PNPLA7: variants seen among roughly 807,000 people sequenced by gnomAD.
The protein encoded by PNPLA7 is patatin-like phospholipase domain-containing protein 7.
PNPLA7 carries 153 observed loss-of-function variants against 161.7 expected under a neutral mutation model. The observed-to-expected ratio is 0.95, with a 90% confidence interval of 0.83 to 1.08. PNPLA7 has a LOEUF of 1.08. PNPLA7 is among the 50% of genes least tolerant of loss of function. The pLI is 0.00. For synonymous variants in PNPLA7, 809 were observed against 782.1 expected, an observed-to-expected ratio of 1.03 and a Z score of -0.57; for missense variants, 1,739 against 1,856.6, an observed-to-expected ratio of 0.94 and a Z score of 1.16.
chr9:137,462,269 C>G lies in PNPLA7; in HGVS notation c.3555G>C (p.Glu1185Asp), dbSNP rs78453847. The change falls in exon 31 of 35, where the codon GAG (glutamate) becomes GAC (aspartate). Residue 1185 changes from glutamate to aspartate, a missense_variant. Around this residue, in one of 6 missense-constraint regions of PNPLA7, gnomAD observed 703 missense variants for 694.6 expected, o/e 1.01. Transcript: ENST00000406427. ...CGCAGTAGTCACTGCTCTTCACCAC[C>G]TCCAGCTGCCGCACGCAACACACGT... is the stretch of plus-strand genomic sequence containing the variant. ...LAYVCCVRQL[E>D]VVKSSDYCEY... 2 of 1,611,982 alleles carry G rather than the reference C, an allele frequency of 1.2e-6. No homozygotes were observed. Among genetic ancestry groups the G allele is most frequent in the Middle Eastern group, 3.3e-4 (2 of 6,054 alleles).
intron 20 of PNPLA7, chr9:137,491,761 A>C: frequency 1.0e-6 from 1 of 985,446 alleles, no homozygotes; most frequent in Non-Finnish European, 1.2e-6. Context: ...TGCTGTGCAC[A>C]CGTCACTGTG....
Position 137,463,534 on chromosome 9 carries a change from G to C in PNPLA7, c.3227-3C>G, listed in dbSNP as rs760514373. 1.9e-6 allele frequency: 3 copies of C among 1,573,114 alleles called. No homozygotes were observed. Among genetic ancestry groups the C allele is most frequent in the Non-Finnish European group, 2.6e-6 (3 of 1,158,760 alleles). ...ACGCACGTACCACCACAGGGAGCCT[G>C]GGGAGGGGGCCCGGAGCTGCTGGTT... is the stretch of plus-strand genomic sequence containing the variant. On this transcript the variant is annotated splice_polypyrimidine_tract_variant and splice_region_variant and intron_variant, in intron 28 of 34. Transcript: ENST00000406427.
At chr9:137,536,695 C>T (rs1012721634) in intron 8 of PNPLA7, among the ~76,000 whole-genome samples, 4 of 152,170 alleles carry the variant, frequency 2.6e-5, no homozygotes, top group Admixed American at 1.3e-4. Flanking sequence ...TCGAAAGAAC[C>T]GCCCATGAGC....
At chr9:137,532,642 A>G (rs1475200732) in intron 8 of PNPLA7, among the ~76,000 whole-genome samples, 1 of 152,188 alleles carries the variant, frequency 6.6e-6, no homozygotes, top group Non-Finnish European at 1.5e-5. Context: ...GAAAGCTGAC[A>G]CTTGGTTTTA....
intron 14 of PNPLA7, among the ~76,000 whole-genome samples, chr9:137,502,986 G>A (rs1326965570): frequency 1.3e-5 from 2 of 151,902 alleles, no homozygotes; most frequent in East Asian, 1.9e-4. Flanking sequence ...GTGGGCTGTG[G>A]TGTGATCGTT....
chr9:137,469,330 A>C (rs1267498827), intron 25 of PNPLA7, among the ~76,000 whole-genome samples: 1 of 152,218 alleles, frequency 6.6e-6, no homozygotes, highest in Non-Finnish European at 1.5e-5. Flanking sequence ...GGGATCTGGC[A>C]CCAAACTCTA....
At position 137,501,671 on chromosome 9, in the gene PNPLA7, C is replaced by G; in HGVS notation, c.1530G>C (p.Val510=). The change falls in exon 15 of 35, where the codon GTG becomes GTC. Residue 510 remains valine, a synonymous_variant. Coordinates refer to ENST00000406427, the MANE Select transcript of PNPLA7 (RefSeq NM_001098537.3). ...TCACCTGGTCTCCCTGCCTTGACAC[C>G]ACCGTGCCTGCAGGAACGTGCAGAA... ...VALLHVPAGT[V]VSRQGDQDAS... is the part of the protein sequence containing the mutation. 1.2e-6 allele frequency: 2 copies of G among 1,612,602 alleles called. No homozygotes were observed. The highest frequency in any genetic ancestry group is 1.7e-4 in the Middle Eastern group (1 of 6,060).
In PNPLA7 at chr9:137,499,269, CAT is replaced by C. The variant is rs1833246118; in HGVS notation, c.1758-1026_1758-1025del. 6.6e-6 allele frequency among the ~76,000 whole-genome samples: 1 copy of C among 151,124 alleles called. No individual in the cohort carries two copies. Among genetic ancestry groups the C allele is most frequent in the Admixed American group, 6.6e-5 (1 of 15,182 alleles). ...AGACACAAGGAGACACACATGGACA[CAT>C]GTAGACACAGAGACAGACACACGGA... On this transcript the variant is annotated intron_variant, in intron 16 of 34. Coordinates refer to ENST00000406427, the MANE Select transcript of PNPLA7 (RefSeq NM_001098537.3). This position sits in a 1 kb window ranked among gnomAD's most constrained non-coding sequence, Gnocchi z 5.5.
At chr9:137,475,906 T>C (rs1380803294) in intron 25 of PNPLA7, among the ~76,000 whole-genome samples, 3 of 152,204 alleles carry the variant, frequency 2.0e-5, no homozygotes, top group Non-Finnish European at 4.4e-5. Context: ...CTGATATGCA[T>C]GGTCTTAAAA....
At chr9:137,502,861 G>A (rs536622710) in intron 14 of PNPLA7, among the ~76,000 whole-genome samples, 1 of 151,610 alleles carries the variant, frequency 6.6e-6, no homozygotes, top group Admixed American at 6.6e-5. Flanking sequence ...GAAATGATAA[G>A]AGTATTGTGG....
At chr9:137,534,421 A>T (rs577720373) in intron 8 of PNPLA7, among the ~76,000 whole-genome samples, 2 of 149,444 alleles carry the variant, frequency 1.3e-5, no homozygotes, top group African/African-American at 2.5e-5. Flanking sequence ...TCCAGATGGG[A>T]GCACTCCCAG....
intron 25 of PNPLA7, among the ~76,000 whole-genome samples, chr9:137,477,207 T>C (rs1284218208): frequency 6.6e-6 from 1 of 152,248 alleles, no homozygotes; most frequent in Non-Finnish European, 1.5e-5. Flanking sequence ...CCCACCCTCC[T>C]CGTGGCTCCC....
At chr9:137,480,048 G>C (rs1034456002) in intron 23 of PNPLA7, among the ~76,000 whole-genome samples, 7 of 152,254 alleles carry the variant, frequency 4.6e-5, no homozygotes, top group African/African-American at 1.7e-4. Flanking sequence ...AAGGCTTCCC[G>C]CACCTGCTGT....
In PNPLA7 at chr9:137,481,013, C is replaced by A; in HGVS notation, c.2358G>T (p.Leu786=). The A allele has an allele frequency of 1.3e-6, 2 of 1,551,678 alleles. No homozygotes were observed. The highest frequency in any genetic ancestry group is 1.7e-6 in the Non-Finnish European group (2 of 1,146,962). ...GTTTTATGTTGTCACTAGTCAGCAG[C>A]AGGGTCGGGCCTGAAAACACCACCA... ...EHALSAIGPT[L]LLTSDNIKRR... The change falls in exon 22 of 35, where the codon CTG becomes CTT. Residue 786 remains leucine (L), a synonymous_variant. Transcript: ENST00000406427.
chr9:137,480,594 C>A (rs931525588), intron 22 of PNPLA7, 114 bp from the exon 23 acceptor site: 34 of 1,203,750 alleles, frequency 2.8e-5, no homozygotes, highest in Non-Finnish European at 3.9e-5. Context: ...CCCTTCCCCT[C>A]CCTGCCCAGC....
chr9:137,525,607 T>A (rs1835261109), intron 8 of PNPLA7, among the ~76,000 whole-genome samples: 1 of 152,126 alleles, frequency 6.6e-6, no homozygotes, highest in African/African-American at 2.4e-5. Flanking sequence ...AACACTTTAA[T>A]ACTTTCACTA....
At chr9:137,492,984 G>C in intron 20 of PNPLA7, 29 bp downstream of exon 20, 7 of 1,605,434 alleles carry the variant, frequency 4.4e-6, no homozygotes, top group Non-Finnish European at 6.0e-6. Flanking sequence ...GGGCTCCCAG[G>C]AGGCTCTGGG....
chr9:137,538,126 C>G (rs898407968), intron 8 of PNPLA7, among the ~76,000 whole-genome samples: 2 of 152,186 alleles, frequency 1.3e-5, no homozygotes, highest in Non-Finnish European at 2.9e-5. Context: ...TGCCCCAAGC[C>G]ACGCTGGGGG....
rs776467882 is a variant in PNPLA7, at chr9:137,547,627, A to G, written c.63T>C (p.Ser21=). 32 of 1,613,070 alleles carry G rather than the reference A, an allele frequency of 2.0e-5. No homozygotes were observed. Among genetic ancestry groups the G allele is most frequent in the South Asian group, 2.0e-4 (18 of 91,094 alleles). Residue 21 remains serine (S), a synonymous_variant, in exon 2 of 35, where the codon TCT becomes TCC. Transcript: ENST00000406427. This position sits in a 1 kb window ranked among gnomAD's most constrained non-coding sequence, Gnocchi z 4.6. ...ADFCLGTALH[S]WGLWFTEEGS... ...CTTCCTCCGTGAACCACAGTCCCCA[A>G]GAGTGCAGGGCGGTGCCCAGGCAGA...
Sources: gnomAD v4.1 joint callset for allele counts (sites outside exome capture counted in the v4.1 genomes callset) on GRCh38, gnomAD v4.1.1 for gene constraint, gnomAD v4.1.1 regional missense constraint, Gnocchi (gnomAD v3.1) non-coding constraint, MANE v1.5 for transcripts, NCBI Gene and HGNC (gene_info 2026-07-23, HGNC 2026-07-21) for gene names.